Variants in DLGAP2 observed in about 807,000 individuals in gnomAD.
The protein encoded by DLGAP2 is DLG associated protein 2.
DLGAP2 carries 26 observed loss-of-function variants against 100.3 expected under a neutral mutation model. The ratio of observed to expected loss-of-function variants is 0.26; its 90% CI spans 0.19 to 0.36. The LOEUF is 0.36. DLGAP2 is among the 10% of genes least tolerant of loss of function. The probability of loss-of-function intolerance (pLI) is 1.00; values close to 1 mark genes in which losing one functional copy is unlikely to be tolerated. For missense variants in DLGAP2, 1,858 were observed against 1,453.2 expected (o/e 1.28, Z -4.53); for synonymous variants, 886 against 630.1 (o/e 1.41, Z -6.08).
At chr8:1,488,546 A>G (rs1475258758) in intron 3 of DLGAP2, among the ~76,000 whole-genome samples, 1 of 152,176 alleles carries the variant, frequency 6.6e-6, no homozygotes, top group East Asian at 1.9e-4. Context: ...GCAGCTCCAC[A>G]GGTAGCCCGA....
rs952119948 is a variant in DLGAP2 at position 1,081,486 on chromosome 8, G to A, written c.73+173520G>A. On this transcript the variant is annotated intron_variant, in intron 2 of 14. Coordinates refer to ENST00000637795, the MANE Select transcript of DLGAP2 (RefSeq NM_001346810.2). ...CCTGCCTCAGCCTCCCTAGTAGCTG[G>A]GATTACAGGCCCCCGTCACCACGCC... Among the ~76,000 whole-genome samples the A allele has an allele frequency of 2.0e-5, 3 of 152,150 alleles. No homozygotes were observed. The South Asian group carries it at 6.2e-4, about 32-fold the overall frequency.
chr8:1,547,140 C>G (rs912422981), intron 4 of DLGAP2, among the ~76,000 whole-genome samples: 1 of 152,098 alleles, frequency 6.6e-6, no homozygotes, highest in African/African-American at 2.4e-5. Context: ...GCTTAAGGCT[C>G]AGCAGACTCA....
intron 2 of DLGAP2, among the ~76,000 whole-genome samples, chr8:977,712 A>G: frequency 7.9e-6 from 1 of 126,454 alleles, no homozygotes. Flanking sequence ...ATAGAATTTT[A>G]GTAATGTGGG....
At chr8:1,540,698 C>G (rs926841529) in intron 4 of DLGAP2, among the ~76,000 whole-genome samples, 1 of 152,232 alleles carries the variant, frequency 6.6e-6, no homozygotes, top group African/African-American at 2.4e-5. Context: ...GGGGGCATCA[C>G]TGCGGACAGA....
intron 3 of DLGAP2, among the ~76,000 whole-genome samples, chr8:1,493,670 G>A (rs953329228): frequency 2.0e-5 from 3 of 152,272 alleles, no homozygotes; most frequent in East Asian, 1.9e-4. Flanking sequence ...ACGTCCTATC[G>A]GCAATGAAAA....
At chr8:1,156,927 C>G (rs1008815223) in intron 2 of DLGAP2, among the ~76,000 whole-genome samples, 11 of 152,152 alleles carry the variant, frequency 7.2e-5, no homozygotes, top group African/African-American at 2.4e-4. Flanking sequence ...GGTTCCCAGT[C>G]GGTCCATCCT....
At chr8:1,380,737 C>A (rs558026606) in intron 3 of DLGAP2, among the ~76,000 whole-genome samples, 1 of 152,176 alleles carries the variant, frequency 6.6e-6, no homozygotes, top group Admixed American at 6.5e-5. Flanking sequence ...TTGCGAAAGT[C>A]ATGACTATTG....
intron 6 of DLGAP2, chr8:1,622,226 G>A (rs1048380748): frequency 1.3e-5 from 2 of 152,156 alleles, no homozygotes; most frequent in African/African-American, 4.8e-5. Flanking sequence ...TTATATTTGG[G>A]AGCTTCTCCT....
chr8:1,090,213 A>C lies in DLGAP2; in HGVS notation c.74-168638A>C, dbSNP rs1202106728. Among the ~76,000 whole-genome samples, 6 of 133,632 alleles carry C rather than the reference A, an allele frequency of 4.5e-5. No homozygotes were observed. The East Asian group carries it at 1.4e-3, about 32-fold the overall frequency. The allele number at this position is 133,632 out of a possible 152,430, so 87.7% of individuals were successfully genotyped here. On this transcript the variant is annotated intron_variant, in intron 2 of 14. Transcript: ENST00000637795. ...GACCTGCTGCCTGTCTGCGCTCTGGAGCCCTCCTGGCCAGACAGGGGTGGA... is the reference window on the plus strand; with the variant it reads ...GACCTGCTGCCTGTCTGCGCTCTGGCGCCCTCCTGGCCAGACAGGGGTGGA...
intron 1 of DLGAP2, among the ~76,000 whole-genome samples, chr8:834,966 C>G (rs917964007): frequency 2.6e-5 from 4 of 152,176 alleles, no homozygotes; most frequent in African/African-American, 4.8e-5. Flanking sequence ...GTGTGCCTGT[C>G]TCTGTGTGTG....
chr8:1,701,248 A>C lies in DLGAP2; in HGVS notation c.3010A>C (p.Thr1004Pro), dbSNP rs780214529. The C allele has an allele frequency of 1.6e-5, 25 of 1,580,096 alleles. No individual in the cohort carries two copies. The South Asian group carries it at 2.6e-4, about 16-fold the overall frequency. Reference protein sequence around the residue: ...KKPPKGKFPITREKSLDLPDR... With the variant: ...KKPPKGKFPIPREKSLDLPDR... ...GCCTCCCAAGGGGAAGTTTCCCATCACAAGAGAAAAATCCCTGGACCTGCC... is the reference window on the plus strand; with the variant it reads ...GCCTCCCAAGGGGAAGTTTCCCATCCCAAGAGAAAAATCCCTGGACCTGCC... The change falls in exon 15 of 15, where the codon ACA becomes CCA. Residue 1004 changes from threonine (T) to proline (P), a missense_variant. Coordinates refer to ENST00000637795, the MANE Select transcript of DLGAP2 (RefSeq NM_001346810.2).
chr8:776,889 A>G (rs1387635240), intron 1 of DLGAP2, among the ~76,000 whole-genome samples: 1 of 152,098 alleles, frequency 6.6e-6, no homozygotes, highest in Non-Finnish European at 1.5e-5. Flanking sequence ...AGCTGAGTTC[A>G]ATTCCTGGGT....
chr8:947,745 T>C (rs1366560878), intron 2 of DLGAP2, among the ~76,000 whole-genome samples: 2 of 152,216 alleles, frequency 1.3e-5, no homozygotes, highest in Non-Finnish European at 2.9e-5. Flanking sequence ...CCCGTCACTT[T>C]TGAGGATCCG....
intron 2 of DLGAP2, among the ~76,000 whole-genome samples, chr8:1,000,479 G>C (rs10090397): frequency 0.14 from 20,919 of 145,302 alleles, 273 homozygotes; most frequent in Non-Finnish European, 0.21. Flanking sequence ...TCTCTAGAGC[G>C]GACAGATCCG....
intron 2 of DLGAP2, chr8:1,137,812 A>C (rs1585095624): frequency 6.6e-6 from 1 of 152,118 alleles, no homozygotes; most frequent in South Asian, 2.1e-4. Context: ...TTTTCTTTTA[A>C]GACAGAGTCT....
chr8:1,435,045 G>A (rs1299178133), intron 3 of DLGAP2, among the ~76,000 whole-genome samples: 1 of 152,144 alleles, frequency 6.6e-6, no homozygotes, highest in Admixed American at 6.5e-5. Flanking sequence ...CATTTCAATG[G>A]TCACTTTGGC....
chr8:1,096,794 C>T (rs965090276), intron 2 of DLGAP2, among the ~76,000 whole-genome samples: 5 of 141,828 alleles, frequency 3.5e-5, no homozygotes, highest in East Asian at 2.1e-4. Context: ...TGGAGAGGTC[C>T]CCTCCAGTGT....
intron 10 of DLGAP2, among the ~76,000 whole-genome samples, chr8:1,675,131 C>T (rs868186143): frequency 6.6e-6 from 1 of 152,222 alleles, no homozygotes; most frequent in Non-Finnish European, 1.5e-5. Flanking sequence ...ATCCCAGTCT[C>T]GGGACCGCTT....
chr8:1,263,038 G>T (rs965436156), intron 3 of DLGAP2, among the ~76,000 whole-genome samples: 2 of 152,106 alleles, frequency 1.3e-5, no homozygotes, highest in Non-Finnish European at 1.5e-5. Flanking sequence ...CAGTGTCTTC[G>T]ATCTGTGTTA....
Sources: allele counts gnomAD v4.1 joint callset (sites outside exome capture counted in the v4.1 genomes callset), GRCh38; gene constraint gnomAD v4.1.1; transcripts MANE v1.5; gene names NCBI Gene and HGNC (gene_info 2026-07-23, HGNC 2026-07-21).